The following MGAT4C variants were observed in gnomAD, a reference collection of about 807,000 sequenced individuals.
MGAT4C encodes MGAT4 family member C.
In MGAT4C, 19 loss-of-function variants were observed where a neutral mutation model predicts 40.1. The ratio of observed to expected loss-of-function variants is 0.47; its 90% CI spans 0.33 to 0.70. The LOEUF (loss-of-function observed/expected upper bound fraction) is 0.70, where lower values mean the gene tolerates loss of function less well. MGAT4C is among the 30% of genes least tolerant of loss of function. The probability of loss-of-function intolerance (pLI) is 0.02; values close to 1 mark genes in which losing one functional copy is unlikely to be tolerated. For synonymous variants in MGAT4C, 181 were observed against 187.1 expected (o/e 0.97, Z 0.27); for missense variants, 491 against 563.2 (o/e 0.87, Z 1.30).
At chr12:86,299,353 G>A (rs918434192) in intron 4 of MGAT4C, among the ~76,000 whole-genome samples, 1 of 152,264 alleles carries the variant, frequency 6.6e-6, no homozygotes, top group African/African-American at 2.4e-5. Flanking sequence ...TACTGACCTC[G>A]TGATCCGCCC....
At chr12:86,392,558 G>A (rs747805851) in intron 3 of MGAT4C, among the ~76,000 whole-genome samples, 13 of 152,184 alleles carry the variant, frequency 8.5e-5, no homozygotes, top group Middle Eastern at 3.4e-3. Flanking sequence ...TAAGCAGCAC[G>A]GGGTGCAATA....
chr12:86,756,687 A>T (rs898178457), intron 1 of MGAT4C, among the ~76,000 whole-genome samples: 1 of 152,158 alleles, frequency 6.6e-6, no homozygotes, highest in Non-Finnish European at 1.5e-5. Flanking sequence ...ATTTCTTTCT[A>T]AGTTGTTGCA....
At chr12:86,157,593 G>T (rs558768928) in intron 1 of MGAT4C, among the ~76,000 whole-genome samples, 1 of 151,762 alleles carries the variant, frequency 6.6e-6, no homozygotes, top group East Asian at 1.9e-4. Context: ...CTGAGATTGG[G>T]TTATTTATAA....
At chr12:86,643,394 T>C (rs998576876) in intron 2 of MGAT4C, among the ~76,000 whole-genome samples, 2 of 151,790 alleles carry the variant, frequency 1.3e-5, no homozygotes, top group African/African-American at 4.8e-5. Context: ...TTTTCATGAA[T>C]AGCCATAACC....
intron 1 of MGAT4C, among the ~76,000 whole-genome samples, chr12:86,159,866 G>A (rs1885402319): frequency 6.6e-6 from 1 of 151,984 alleles, no homozygotes; most frequent in Admixed American, 6.6e-5. Context: ...GGATGTATTT[G>A]TGGGGTCAGT....
At chr12:86,736,090 C>A (rs1268199362) in intron 1 of MGAT4C, among the ~76,000 whole-genome samples, 4 of 151,714 alleles carry the variant, frequency 2.6e-5, no homozygotes, top group African/African-American at 9.7e-5. Context: ...CATTGTAATT[C>A]TCTCCAAAAC....
chr12:86,749,043 G>T, intron 1 of MGAT4C, among the ~76,000 whole-genome samples: 2 of 148,078 alleles, frequency 1.4e-5, no homozygotes, highest in South Asian at 2.1e-4. Context: ...CACCCCATCT[G>T]GTTTACATAT....
At chr12:86,432,539 G>A (rs114742883) in intron 3 of MGAT4C, among the ~76,000 whole-genome samples, 1 of 151,902 alleles carries the variant, frequency 6.6e-6, no homozygotes, top group Non-Finnish European at 1.5e-5. Flanking sequence ...ATGCAAGTTG[G>A]GATACTTCTT....
chr12:86,672,280 AAGC>A (rs1489871527), intron 2 of MGAT4C, among the ~76,000 whole-genome samples: 13 of 152,246 alleles, frequency 8.5e-5, no homozygotes, highest in Non-Finnish European at 1.8e-4. Flanking sequence ...GATACAGAGA[AAGC>A]AGTATTAACA....
chr12:86,744,922 G>T (rs549445167), intron 1 of MGAT4C: 25 of 151,736 alleles, frequency 1.6e-4, no homozygotes, highest in Admixed American at 1.5e-3. Context: ...ATGTGTATTG[G>T]TTCTGGGGAA....
chr12:86,792,159 T>A (rs1952033753), intron 1 of MGAT4C, among the ~76,000 whole-genome samples: 1 of 152,154 alleles, frequency 6.6e-6, no homozygotes, highest in Non-Finnish European at 1.5e-5. Context: ...AGTCAAAAAT[T>A]AGGTCAATTT....
chr12:86,677,632 A>C (rs1011978324), intron 2 of MGAT4C, among the ~76,000 whole-genome samples: 3 of 152,188 alleles, frequency 2.0e-5, no homozygotes, highest in Non-Finnish European at 2.9e-5. Context: ...TTCAAAGGGA[A>C]TAGAAAAATA....
intron 2 of MGAT4C, among the ~76,000 whole-genome samples, chr12:86,726,062 A>G (rs749789424): frequency 7.9e-5 from 12 of 152,332 alleles, no homozygotes; most frequent in African/African-American, 1.9e-4. Context: ...ATCGTTTCCA[A>G]TTGAAACTGG....
intron 2 of MGAT4C, among the ~76,000 whole-genome samples, chr12:86,567,585 C>G (rs1380597394): frequency 6.6e-6 from 1 of 152,078 alleles, no homozygotes; most frequent in Non-Finnish European, 1.5e-5. Context: ...TACAACAGCC[C>G]ACTCCAGGCA....
chr12:86,111,148 A>G (rs1877328141), intron 1 of MGAT4C, among the ~76,000 whole-genome samples: 1 of 151,810 alleles, frequency 6.6e-6, no homozygotes, highest in South Asian at 2.1e-4. Context: ...TTTTCTCTAT[A>G]TATTTAAAGC....
intron 1 of MGAT4C, among the ~76,000 whole-genome samples, chr12:86,174,842 A>G (rs1284838588): frequency 6.6e-6 from 1 of 152,176 alleles, no homozygotes; most frequent in East Asian, 1.9e-4. Flanking sequence ...TTTCTTCGGT[A>G]AGCTTAGAAC....
At position 86,481,708 on chromosome 12, in the gene MGAT4C, T is replaced by C. The variant is rs187895389; in HGVS notation, c.-228-46443A>G. Among the ~76,000 whole-genome samples, 49 of 152,074 alleles carry C rather than the reference T, an allele frequency of 3.2e-4. No individual in the cohort carries two copies. In the East Asian group the frequency reaches 5.8e-3, roughly 18 times the overall value. On this transcript the variant is annotated intron_variant, in intron 2 of 7. Coordinates refer to the MGAT4C transcript ENST00000548651. ...ATGATTTGAAAGAAAATAAATCATA[T>C]TGAAAAATATTTAAAGTTTCTTTTC...
In MGAT4C at chr12:85,977,843, T is replaced by A. The variant is rs549508927; in HGVS notation, c.*1446A>T. The A allele has an allele frequency of 6.8e-6, 1 of 147,586 alleles. No homozygotes were observed. Among genetic ancestry groups the A allele is most frequent in the South Asian group, 2.2e-4 (1 of 4,646 alleles). 9.1% of individuals were successfully genotyped at this position (147,586 alleles called of 1,614,324 possible). On this transcript the variant is annotated 3_prime_UTR_variant, in exon 5 of 5. Transcript: ENST00000611864. ...ACACACACACACACACAGAGTCATC[T>A]ATATGAACACGTACTTGAGTTTCTT...
intron 1 of MGAT4C, among the ~76,000 whole-genome samples, chr12:86,054,014 G>T (rs539379808): frequency 1.6e-4 from 24 of 151,818 alleles, no homozygotes; most frequent in Non-Finnish European, 3.1e-4. Context: ...TAGTACAGCC[G>T]CTATGGAAAA....
Sources: allele counts gnomAD v4.1 joint callset (sites outside exome capture counted in the v4.1 genomes callset), GRCh38; gene constraint gnomAD v4.1.1; transcripts MANE v1.5; gene names NCBI Gene and HGNC (gene_info 2026-07-23, HGNC 2026-07-21).